The following ECT2L variants were observed in gnomAD, a reference collection of about 807,000 sequenced individuals.
The protein encoded by ECT2L is epithelial cell transforming 2 like.
Under a neutral mutation model 122.8 loss-of-function variants are expected in ECT2L, and 126 were observed. The observed-to-expected ratio is 1.03, with a 90% CI of 0.89 to 1.19. The LOEUF is 1.19. Ranked by LOEUF, ECT2L falls within the 50% of genes most tolerant of loss-of-function variation. The probability of loss-of-function intolerance (pLI) is 0.00; values close to 1 mark genes in which losing one functional copy is unlikely to be tolerated. For missense variants in ECT2L, 1,012 were observed against 1,064.1 expected, an observed-to-expected ratio of 0.95 and a Z score of 0.68; for synonymous variants, 385 against 381.8, an observed-to-expected ratio of 1.01 and a Z score of -0.10.
intron 14 of ECT2L, among the ~76,000 whole-genome samples, chr6:138,877,002 G>A (rs1329955596): frequency 6.6e-6 from 1 of 152,122 alleles, no homozygotes; most frequent in Non-Finnish European, 1.5e-5. Context: ...AGCAGGGGCC[G>A]GTCTCGTCCT....
chr6:138,813,923 T>A (rs1775986416), intron 3 of ECT2L, among the ~76,000 whole-genome samples: 1 of 152,134 alleles, frequency 6.6e-6, no homozygotes, highest in Non-Finnish European at 1.5e-5. Context: ...GTTATCTCTA[T>A]CTGAGCAAAG....
At chr6:138,803,085 A>AT (rs1273377627) in intron 1 of ECT2L, among the ~76,000 whole-genome samples, 8 of 93,784 alleles carry the variant, frequency 8.5e-5, no homozygotes, top group African/African-American at 1.6e-4. Flanking sequence ...TCAAAAAAAA[A>AT]AAAATAATAA....
intron 20 of ECT2L, among the ~76,000 whole-genome samples, chr6:138,899,536 G>A (rs900160528): frequency 6.6e-6 from 1 of 152,090 alleles, no homozygotes; most frequent in Non-Finnish European, 1.5e-5. Flanking sequence ...AGACAGGGGT[G>A]AGGCTGTGCT....
At chr6:138,899,441 G>A (rs961237578) in intron 20 of ECT2L, among the ~76,000 whole-genome samples, 3 of 148,010 alleles carry the variant, frequency 2.0e-5, no homozygotes, top group African/African-American at 7.4e-5. Flanking sequence ...TACATAGATT[G>A]TGTGTGTGTG....
At chr6:138,839,045 G>T (rs1175665721) in intron 5 of ECT2L, among the ~76,000 whole-genome samples, 1 of 152,128 alleles carries the variant, frequency 6.6e-6, no homozygotes, top group Non-Finnish European at 1.5e-5. Context: ...CTCCCAAAGT[G>T]CTGGGATTAC....
intron 4 of ECT2L, among the ~76,000 whole-genome samples, chr6:138,816,102 CTA>C (rs1224589600): frequency 1.3e-5 from 2 of 152,196 alleles, no homozygotes; most frequent in Non-Finnish European, 2.9e-5. Flanking sequence ...TAGTCATTGG[CTA>C]TGTTTCTTTT....
At chr6:138,838,854 C>T (rs1281068124) in intron 5 of ECT2L, among the ~76,000 whole-genome samples, 2 of 152,176 alleles carry the variant, frequency 1.3e-5, no homozygotes, top group Non-Finnish European at 2.9e-5. Context: ...TCTCAGCTCA[C>T]TACAACCTCC....
intron 12 of ECT2L, among the ~76,000 whole-genome samples, chr6:138,866,149 G>GTT (rs56300933): frequency 0.27 from 36,708 of 134,268 alleles, 5,828 homozygotes; most frequent in Admixed American, 0.36. Flanking sequence ...ATTTTTCATA[G>GTT]TTTTTTTTTT....
chr6:138,857,844 T>C (rs1169921635), intron 10 of ECT2L, among the ~76,000 whole-genome samples: 2 of 152,190 alleles, frequency 1.3e-5, no homozygotes, highest in Admixed American at 6.5e-5. Flanking sequence ...CTGCTATGAA[T>C]AACTGCCCGA....
At chr6:138,870,023 T>TA (rs1778192922) in intron 13 of ECT2L, among the ~76,000 whole-genome samples, 1 of 152,220 alleles carries the variant, frequency 6.6e-6, no homozygotes, top group African/African-American at 2.4e-5. Context: ...TGTACTGACT[T>TA]GAATTGAGCA....
intron 5 of ECT2L, among the ~76,000 whole-genome samples, chr6:138,841,810 G>C (rs1488435322): frequency 6.6e-6 from 1 of 152,096 alleles, no homozygotes; most frequent in Non-Finnish European, 1.5e-5. Context: ...TCAAATAATT[G>C]TTTGTATAAT....
chr6:138,896,667 G>T (rs547591279), intron 20 of ECT2L, among the ~76,000 whole-genome samples: 2 of 152,172 alleles, frequency 1.3e-5, no homozygotes, highest in South Asian at 2.1e-4. Flanking sequence ...CTCTCTTTTT[G>T]AGAGAGTTTC....
chr6:138,883,017 A>G, intron 16 of ECT2L, 146 bp downstream of exon 16: 1 of 879,188 alleles, frequency 1.1e-6, no homozygotes. Context: ...CTCTGAGGAC[A>G]GGAACCCTGA....
intron 4 of ECT2L, among the ~76,000 whole-genome samples, chr6:138,822,470 G>T (rs553424922): frequency 3.4e-4 from 52 of 152,298 alleles, no homozygotes; most frequent in South Asian, 2.7e-3. Context: ...CAGGGGAATT[G>T]CTTGAGCCTG....
chr6:138,839,281 T>A (rs1367859944), intron 5 of ECT2L, among the ~76,000 whole-genome samples: 1 of 152,162 alleles, frequency 6.6e-6, no homozygotes, highest in African/African-American at 2.4e-5. Flanking sequence ...AAAATCAACA[T>A]CTTTTGCCAT....
chr6:138,892,950 A>T (rs1033801715), intron 20 of ECT2L, among the ~76,000 whole-genome samples: 3 of 152,164 alleles, frequency 2.0e-5, no homozygotes, highest in African/African-American at 7.2e-5. Context: ...AGTTTTCTCC[A>T]GTGTCCTTTT....
chr6:138,800,616 CAT>C (rs1775510377), intron 1 of ECT2L, among the ~76,000 whole-genome samples: 1 of 152,104 alleles, frequency 6.6e-6, no homozygotes, highest in South Asian at 2.1e-4. Context: ...ACTCATTTAA[CAT>C]AATGATGGAA....
At chr6:138,845,795 G>T (rs879820809) in intron 7 of ECT2L, among the ~76,000 whole-genome samples, 3 of 152,182 alleles carry the variant, frequency 2.0e-5, no homozygotes, top group Non-Finnish European at 2.9e-5. Flanking sequence ...AAGAGGTCAG[G>T]CATGATGGCT....
chr6:138,847,250 A>G (rs1777255711), intron 8 of ECT2L, among the ~76,000 whole-genome samples: 1 of 151,550 alleles, frequency 6.6e-6, no homozygotes. Flanking sequence ...GTGACAGAGT[A>G]AGACACTGTC....
Sources: allele counts gnomAD v4.1 joint callset (sites outside exome capture counted in the v4.1 genomes callset), GRCh38; gene constraint gnomAD v4.1.1; transcripts MANE v1.5; gene names NCBI Gene and HGNC (gene_info 2026-07-23, HGNC 2026-07-21).